STARD10: variants seen among roughly 807,000 people sequenced by gnomAD.
The protein encoded by STARD10 is START domain-containing protein 10.
In STARD10, 24 loss-of-function variants were observed where a neutral mutation model predicts 36.0. That is an observed-to-expected ratio of 0.67 (90% CI 0.48 to 0.94). The LOEUF is 0.94. Ranked by LOEUF, STARD10 falls within the 40% of genes least tolerant of loss-of-function variation. The probability of loss-of-function intolerance (pLI) is 0.00; values close to 1 mark genes in which losing one functional copy is unlikely to be tolerated. For missense variants in STARD10, 335 were observed against 396.6 expected, an observed-to-expected ratio of 0.84 and a Z score of 1.32; for synonymous variants, 156 against 161.9, an observed-to-expected ratio of 0.96 and a Z score of 0.28.
At chr11:72,780,507 A>C in intron 2 of STARD10, 1 of 389,622 alleles carries the variant, frequency 2.6e-6, no homozygotes, top group Non-Finnish European at 5.2e-6. Context: ...GGCATCGGGC[A>C]GTAAGGAATC....
Position 72,782,101 on chromosome 11 carries a change from C to G in STARD10, c.-113-807G>C, listed in dbSNP as rs186884462. ...GGAATTCTGGAAGTTAACGGTGAAC[C>G]CCTTCTCTCCACCACCTCCCATACT... On this transcript the variant is annotated intron_variant, in intron 1 of 6. Transcript: ENST00000334805. 4.6e-5 allele frequency among the ~76,000 whole-genome samples: 7 copies of G among 152,178 alleles called. No homozygotes were observed. In the East Asian group the frequency reaches 1.4e-3, roughly 29 times the overall value.
intron 1 of STARD10, among the ~76,000 whole-genome samples, chr11:72,791,681 C>G (rs1393385334): frequency 6.7e-6 from 1 of 149,422 alleles, no homozygotes; most frequent in African/African-American, 2.5e-5. Context: ...CCAGCCTGGG[C>G]AACAAGAGTG....
chr11:72,774,408 G>A (rs1378894974), intron 2 of STARD10, among the ~76,000 whole-genome samples: 3 of 152,084 alleles, frequency 2.0e-5, no homozygotes, highest in South Asian at 2.1e-4. Flanking sequence ...CACCTGCCCC[G>A]TGCCACCTGC....
At chr11:72,772,249 G>A (rs552268412) in intron 2 of STARD10, among the ~76,000 whole-genome samples, 20 of 149,814 alleles carry the variant, frequency 1.3e-4, no homozygotes, top group East Asian at 1.2e-3. Context: ...CCCTGTGCCC[G>A]GTGCTGCCAT....
At chr11:72,756,878 G>A (rs1282728717) in intron 5 of STARD10, among the ~76,000 whole-genome samples, 2 of 152,174 alleles carry the variant, frequency 1.3e-5, no homozygotes, top group Admixed American at 6.5e-5. Flanking sequence ...AAGCGCGGTG[G>A]CTCACGCCTG....
At position 72,760,763 on chromosome 11, in the gene STARD10, C is replaced by T. The variant is rs183323401; in HGVS notation, c.208-1382G>A. 2.0e-3 allele frequency among the ~76,000 whole-genome samples: 308 copies of T among 152,108 alleles called. 4 individuals carry two copies. Among genetic ancestry groups the T allele is most frequent in the Non-Finnish European group, 1.4e-3 (97 of 68,000 alleles). ...GTCTGGAAAGCAAGTAAAATCAGAACGAGGTTTCCCTAGGTTTGCACTCAG... is the reference window on the plus strand; with the variant it reads ...GTCTGGAAAGCAAGTAAAATCAGAATGAGGTTTCCCTAGGTTTGCACTCAG... On this transcript the variant is annotated intron_variant, in intron 2 of 6. Transcript: ENST00000334805.
chr11:72,791,118 AGGT>A (rs1859138102), intron 1 of STARD10, among the ~76,000 whole-genome samples: 1 of 152,234 alleles, frequency 6.6e-6, no homozygotes, highest in Non-Finnish European at 1.5e-5. Flanking sequence ...TTTAATTTAT[AGGT>A]AAACATTGAG....
At chr11:72,763,985 C>G (rs1047218224) in intron 2 of STARD10, among the ~76,000 whole-genome samples, 1 of 152,156 alleles carries the variant, frequency 6.6e-6, no homozygotes, top group Admixed American at 6.5e-5. Flanking sequence ...AATCGGATCT[C>G]CCTGTGTTCT....
intron 2 of STARD10, among the ~76,000 whole-genome samples, chr11:72,759,987 T>C (rs1031415862): frequency 5.3e-5 from 8 of 152,112 alleles, no homozygotes; most frequent in African/African-American, 1.9e-4. Flanking sequence ...CTTGGCTCAC[T>C]GCAACCTCTG....
chr11:72,788,970 G>A (rs542039430), intron 1 of STARD10, among the ~76,000 whole-genome samples: 50 of 152,032 alleles, frequency 3.3e-4, no homozygotes, highest in African/African-American at 1.1e-3. Context: ...GTCCTCTCTC[G>A]TCAGCCTCCT....
At chr11:72,789,650 G>A (rs1323109655) in intron 1 of STARD10, among the ~76,000 whole-genome samples, 1 of 152,192 alleles carries the variant, frequency 6.6e-6, no homozygotes, top group African/African-American at 2.4e-5. Context: ...CCAGGGGCTG[G>A]CTCCCAGGAC....
chr11:72,768,354 A>G (rs1160176651), intron 2 of STARD10, among the ~76,000 whole-genome samples: 1 of 152,134 alleles, frequency 6.6e-6, no homozygotes, highest in East Asian at 1.9e-4. Flanking sequence ...CAAGGCAAGC[A>G]TCAGGCCAAG....
intron 2 of STARD10, among the ~76,000 whole-genome samples, chr11:72,779,607 G>A (rs1286105650): frequency 1.3e-5 from 2 of 152,006 alleles, no homozygotes; most frequent in South Asian, 2.1e-4. Context: ...AAAAAGGATA[G>A]GAGACCTGTC....
chr11:72,770,653 C>T (rs981287289), intron 2 of STARD10, among the ~76,000 whole-genome samples: 1 of 152,156 alleles, frequency 6.6e-6, no homozygotes, highest in Non-Finnish European at 1.5e-5. Context: ...GAACACTCTG[C>T]GTTGTCTGGC....
At position 72,756,861 on chromosome 11, in the gene STARD10, G is replaced by A. The variant is rs555833488; in HGVS notation, c.577+906C>T. On this transcript the variant is annotated intron_variant, in intron 5 of 6. Transcript: ENST00000334805. ...GGCAGAATCAATAAGAATCAGTGAC[G>A]GGGGCTAAGCGCGGTGGCTCACGCC... Among the ~76,000 whole-genome samples, 72 of 152,240 alleles carry A rather than the reference G, an allele frequency of 4.7e-4. 1 individual carries two copies. Among genetic ancestry groups the A allele is most frequent in the African/African-American group, 1.6e-3 (66 of 41,552 alleles).
intron 2 of STARD10, among the ~76,000 whole-genome samples, chr11:72,760,628 C>G (rs1403507872): frequency 6.6e-6 from 1 of 152,198 alleles, no homozygotes; most frequent in Non-Finnish European, 1.5e-5. Context: ...ACCAACAACT[C>G]TGTCAGATAA....
chr11:72,774,388 T>A (rs1413183001), intron 2 of STARD10, among the ~76,000 whole-genome samples: 1 of 152,306 alleles, frequency 6.6e-6, no homozygotes, highest in East Asian at 1.9e-4. Context: ...CAGCTCCAGC[T>A]GCCCTGTGCC....
At chr11:72,760,387 C>T (rs1858700056) in intron 2 of STARD10, among the ~76,000 whole-genome samples, 1 of 151,954 alleles carries the variant, frequency 6.6e-6, no homozygotes, top group South Asian at 2.1e-4. Context: ...CCACCACTCC[C>T]GGCTAATTTT....
At chr11:72,780,860 T>C in intron 2 of STARD10, 115 bp downstream of exon 2, 1 of 1,130,620 alleles carries the variant, frequency 8.8e-7, no homozygotes, top group African/African-American at 1.5e-5. Context: ...GGAAGGAGAC[T>C]CTCTCTGGGC....
Sources: allele counts gnomAD v4.1 joint callset (sites outside exome capture counted in the v4.1 genomes callset), GRCh38; gene constraint gnomAD v4.1.1; transcripts MANE v1.5; gene names NCBI Gene and HGNC (gene_info 2026-07-23, HGNC 2026-07-21).